The following NUDC variants were observed in gnomAD, a reference collection of about 807,000 sequenced individuals.
NUDC encodes nuclear distribution C, dynein complex regulator.
A neutral mutation model predicts 45.0 loss-of-function variants in NUDC; 14 were observed. The observed-to-expected ratio is 0.31, with a 90% CI of 0.21 to 0.49. NUDC has a LOEUF of 0.49. Ranked by LOEUF, NUDC falls within the 20% of genes least tolerant of loss-of-function variation. The probability of loss-of-function intolerance (pLI) is 0.99; values close to 1 mark genes in which losing one functional copy is unlikely to be tolerated. For missense variants in NUDC, 323 were observed against 426.2 expected, an observed-to-expected ratio of 0.76 and a Z score of 2.13; for synonymous variants, 153 against 156.7, an observed-to-expected ratio of 0.98 and a Z score of 0.17.
At chr1:26,934,804 C>A (rs556205410) in intron 2 of NUDC, among the ~76,000 whole-genome samples, 1 of 150,658 alleles carries the variant, frequency 6.6e-6, no homozygotes, top group Non-Finnish European at 1.5e-5. Flanking sequence ...ACTACAGGCA[C>A]CCCCCACCAT....
chr1:26,921,797 A>C lies in NUDC; in HGVS notation c.-52A>C. On this transcript the variant is annotated 5_prime_UTR_variant, in exon 1 of 9. Coordinates refer to ENST00000321265, the MANE Select transcript of NUDC (RefSeq NM_006600.4). ...CCCGGCGCGACCCGCAGGAGCGTAG[A>C]GAGCGCGGGACTAGAGTGCAGAGCT... 6.5e-7 allele frequency: 1 copy of C among 1,527,096 alleles called. No individual in the cohort carries two copies. The highest frequency in any genetic ancestry group is 2.0e-5 in the Admixed American group (1 of 50,954). The allele number at this position is 1,527,096 out of a possible 1,614,324, so 94.6% of individuals were successfully genotyped here.
intron 2 of NUDC, among the ~76,000 whole-genome samples, chr1:26,939,168 A>G (rs1265648724): frequency 1.3e-5 from 2 of 151,668 alleles, no homozygotes; most frequent in African/African-American, 2.4e-5. Flanking sequence ...TCATTTTTGG[A>G]TTTTTAGTAG....
intron 2 of NUDC, among the ~76,000 whole-genome samples, chr1:26,909,503 A>G (rs958486510): frequency 6.6e-6 from 1 of 152,196 alleles, no homozygotes; most frequent in Non-Finnish European, 1.5e-5. Flanking sequence ...TGGGGCATAG[A>G]GAGGAATGCT....
At chr1:26,904,661 C>T (rs1170055312) in intron 2 of NUDC, among the ~76,000 whole-genome samples, 1 of 152,108 alleles carries the variant, frequency 6.6e-6, no homozygotes, top group African/African-American at 2.4e-5. Flanking sequence ...CATCTAAGCT[C>T]AAATCCTGAT....
chr1:26,935,983 T>G (rs769443134), intron 2 of NUDC, among the ~76,000 whole-genome samples: 1 of 147,932 alleles, frequency 6.8e-6, no homozygotes, highest in Non-Finnish European at 1.5e-5. Flanking sequence ...AATGTTTTGT[T>G]TTTTTTTGAC....
chr1:26,943,777 C>T (rs765680342), intron 6 of NUDC, among the ~76,000 whole-genome samples: 9 of 152,110 alleles, frequency 5.9e-5, no homozygotes, highest in Non-Finnish European at 1.2e-4. Context: ...ACACAGAGAT[C>T]AGTAAATAAA....
chr1:26,922,194 C>T lies in NUDC; in HGVS notation c.81+265C>T. On this transcript the variant is annotated intron_variant, in intron 1 of 8. Coordinates refer to ENST00000321265, the MANE Select transcript of NUDC (RefSeq NM_006600.4). ...ATCCCCCTTTAGTTTCACATATGCC[C>T]CCACCCCCGTTTCCACTTTGATGGC... The T allele has an allele frequency of 5.4e-6, 3 of 552,476 alleles. No individual in the cohort carries two copies. The South Asian group carries it at 6.2e-5, about 11-fold the overall frequency. 34.2% of individuals were successfully genotyped at this position (552,476 alleles called of 1,614,324 possible). A position where few individuals can be genotyped will look rare whatever the true frequency, so the allele number is the denominator to read the frequency against.
upstream of NUDC, among the ~76,000 whole-genome samples, chr1:26,918,447 G>A (rs948087025): frequency 1.1e-4 from 16 of 151,506 alleles, no homozygotes; most frequent in Admixed American, 2.0e-4. Flanking sequence ...CTGATTTTTC[G>A]TATTTTTTAG....
In NUDC at chr1:26,916,380, ACT is replaced by A. The variant is rs563811597; in HGVS notation, c.93+5148_93+5149del. On this transcript the variant is annotated intron_variant, in intron 3 of 6. Coordinates refer to the NUDC transcript ENST00000435827. ...CCTGCCTTGCTCTAGACAGAGCAAGACTCTGTCTAAAAAAAAACGAAAAAACC... is the reference window on the plus strand; with the variant it reads ...CCTGCCTTGCTCTAGACAGAGCAAGACTGTCTAAAAAAAAACGAAAAAACC... Among the ~76,000 whole-genome samples, 727 of 151,564 alleles carry A rather than the reference ACT, an allele frequency of 4.8e-3. 11 individuals carry two copies. Among genetic ancestry groups the A allele is most frequent in the African/African-American group, 0.015 (626 of 41,256 alleles).
intron 4 of NUDC, among the ~76,000 whole-genome samples, chr1:26,942,453 C>T (rs1421409192): frequency 3.3e-5 from 5 of 152,194 alleles, no homozygotes; most frequent in African/African-American, 7.2e-5. Flanking sequence ...AGTCTGAGCT[C>T]CTCTCAGACT....
At chr1:26,904,658 G>A (rs1450503429) in intron 2 of NUDC, among the ~76,000 whole-genome samples, 1 of 151,986 alleles carries the variant, frequency 6.6e-6, no homozygotes, top group African/African-American at 2.4e-5. Flanking sequence ...GATCATCTAA[G>A]CTCAAATCCT....
intron 2 of NUDC, among the ~76,000 whole-genome samples, chr1:26,933,881 A>G (rs145352507): frequency 0.033 from 4,985 of 152,256 alleles, 250 homozygotes; most frequent in African/African-American, 0.11. Flanking sequence ...ACGGCTGGGC[A>G]CGGTGGCTCA....
chr1:26,939,645 C>G (rs572325247), intron 2 of NUDC, among the ~76,000 whole-genome samples: 11 of 152,222 alleles, frequency 7.2e-5, no homozygotes, highest in Admixed American at 2.0e-4. Context: ...GACATGACCT[C>G]AGGGTCACGC....
chr1:26,941,720 T>A, intron 3 of NUDC, 33 bp from the exon 4 acceptor site: 1 of 1,613,342 alleles, frequency 6.2e-7, no homozygotes, highest in South Asian at 1.1e-5. Context: ...AGCAGTGGGG[T>A]CCTGTTGCCA....
At chr1:26,920,776 CAAAAAAA>C (rs758430801), upstream of NUDC, among the ~76,000 whole-genome samples, 1 of 133,728 alleles carries the variant, frequency 7.5e-6, no homozygotes, top group Non-Finnish European at 1.6e-5. Context: ...AAACAAAAAA[CAAAAAAA>C]AAAAAACAGC....
chr1:26,945,108 C>A (rs2082308084), intron 6 of NUDC: 7 of 543,524 alleles, frequency 1.3e-5, no homozygotes, highest in South Asian at 1.3e-4. Context: ...TCTTAAGACT[C>A]AGCCCGAGTG....
At chr1:26,900,406 C>A (rs1441684608) in intron 1 of NUDC, 1 of 1,611,786 alleles carries the variant, frequency 6.2e-7, no homozygotes, top group East Asian at 2.2e-5. Context: ...ACCAGGTAAA[C>A]TGTCGCCTCC....
At chr1:26,920,204 A>C (rs1365302875), upstream of NUDC, among the ~76,000 whole-genome samples, 2 of 152,138 alleles carry the variant, frequency 1.3e-5, no homozygotes, top group Non-Finnish European at 2.9e-5. Context: ...AATAGACTAG[A>C]ACAGGCCGGG....
intron 2 of NUDC, among the ~76,000 whole-genome samples, chr1:26,936,165 A>ATAT (rs1557678371): frequency 9.5e-5 from 1 of 10,500 alleles, no homozygotes; most frequent in Non-Finnish European, 1.5e-4. Context: ...ATATATATAT[A>ATAT]TTTTTTTTTT....
Sources: allele counts gnomAD v4.1 joint callset (sites outside exome capture counted in the v4.1 genomes callset), GRCh38; gene constraint gnomAD v4.1.1; transcripts MANE v1.5; gene names NCBI Gene and HGNC (gene_info 2026-07-23, HGNC 2026-07-21).